The following TEX15 variants were observed in gnomAD, a reference collection of about 807,000 sequenced individuals.
TEX15 encodes testis expressed 15, meiosis and synapsis associated.
In TEX15, 171 loss-of-function variants were observed where a neutral mutation model predicts 237.3. The ratio of observed to expected loss-of-function variants is 0.72; its 90% CI spans 0.64 to 0.82. The LOEUF (loss-of-function observed/expected upper bound fraction) is 0.82. Ranked by LOEUF, TEX15 falls within the 40% of genes least tolerant of loss-of-function variation. TEX15 has a pLI of 0.00. For synonymous variants in TEX15, 1,338 were observed against 1,269.8 expected (o/e 1.05, Z -1.14); for missense variants, 3,750 against 3,646.5 (o/e 1.03, Z -0.73).
Position 30,846,156 on chromosome 8 carries a change from C to G in TEX15, c.4011G>C (p.Glu1337Asp), listed in dbSNP as rs772186690. The G allele has an allele frequency of 2.5e-6, 4 of 1,613,436 alleles. No homozygotes were observed. In the South Asian group the frequency reaches 3.3e-5, roughly 13 times the overall value. Residue 1337 changes from glutamate to aspartate, a missense_variant, in exon 8 of 11, where the codon GAG becomes GAC. By Grantham distance (45) the Glu-to-Asp change is conservative (BLOSUM62 2). Transcript: ENST00000643185. ...GTCCTTGGGATAATGAAGAGAAACA[C>G]TCAGATGAGTCTTGACTGGTTAGCC... is the stretch of plus-strand genomic sequence containing the variant. ...KRRLTSQDSS[E>D]CFSSLSQGRI...
At chr8:30,898,580 A>G (rs1052083612) in intron 2 of TEX15, among the ~76,000 whole-genome samples, 162 bp downstream of exon 2, 1 of 152,250 alleles carries the variant, frequency 6.6e-6, no homozygotes, top group Non-Finnish European at 1.5e-5. Flanking sequence ...ATCATCAAGA[A>G]TAAATATTTA....
chr8:30,838,773 CATATATATATATATATATATATATATAT>C (rs34610592), intron 9 of TEX15, among the ~76,000 whole-genome samples: 1,899 of 65,498 alleles, frequency 0.029, 89 homozygotes, highest in African/African-American at 0.08. Flanking sequence ...TATATAAAAA[CATATATATATATATATATATATATATAT>C]ATATATATAT....
At position 30,843,246 on chromosome 8, in the gene TEX15, G is replaced by A; in HGVS notation, c.6921C>T (p.Ala2307=). 6.2e-7 allele frequency: 1 copy of A among 1,613,108 alleles called. No homozygotes were observed. The highest frequency in any genetic ancestry group is 8.5e-7 in the Non-Finnish European group (1 of 1,179,622). The change falls in exon 8 of 11, where the codon GCC becomes GCT. Residue 2307 remains alanine, a synonymous_variant. Transcript: ENST00000643185. The part of the protein sequence containing the change: ...EERLLRVNKC[A]FSKLQKIYDT... ...CATATATCTTCTGCAACTTAGAAAA[G>A]GCACATTTATTCACTCTGAGTAGCC...
chr8:30,849,236 A>C lies in TEX15; in HGVS notation c.931T>G (p.Phe311Val). 1 of 1,536,238 alleles carries C rather than the reference A, an allele frequency of 6.5e-7. No individual in the cohort carries two copies. Among genetic ancestry groups the C allele is most frequent in the Non-Finnish European group, 8.7e-7 (1 of 1,146,908 alleles). ...GKDATVTFVH[F>V]KKPVDPFVQE... The stretch of plus-strand genomic sequence containing the variant: ...ACAAATGGATCTACAGGTTTCTTGA[A>C]ATGCACAAAGGTGACAGTAGCATCT... The change falls in exon 8 of 11, where the codon TTC becomes GTC. Residue 311 changes from phenylalanine to valine, a missense_variant. Coordinates refer to ENST00000643185, the MANE Select transcript of TEX15 (RefSeq NM_001350162.2).
intron 4 of TEX15, among the ~76,000 whole-genome samples, chr8:30,869,418 T>C (rs1238418422): frequency 1.3e-5 from 2 of 152,034 alleles, no homozygotes; most frequent in Non-Finnish European, 2.9e-5. Context: ...CTCCCTCCGC[T>C]TGTAACAAGA....
rs1474616732 is a variant in TEX15, at chr8:30,837,865, G to C, written c.8419C>G (p.His2807Asp). The change falls in exon 10 of 11, where the codon CAC (histidine) becomes GAC (aspartate). Residue 2807 changes from histidine to aspartate, a missense_variant. Transcript: ENST00000643185. ...SKIDLTVSSD[H>D]FSGQQENLNS... is the part of the protein sequence containing the mutation. The stretch of plus-strand genomic sequence containing the variant: ...AAATTTTCCTGTTGTCCACTGAAGT[G>C]ATCAGATGAAACAGTTAAGTCTATT... 6.2e-7 allele frequency: 1 copy of C among 1,614,114 alleles called. No homozygotes were observed. Among genetic ancestry groups the C allele is most frequent in the African/African-American group, 1.3e-5 (1 of 75,048 alleles).
Position 30,847,006 on chromosome 8 carries a change from C to T in TEX15, c.3161G>A (p.Ser1054Asn). 5 of 1,613,320 alleles carry T rather than the reference C, an allele frequency of 3.1e-6. No homozygotes were observed. The highest frequency in any genetic ancestry group is 4.2e-6 in the Non-Finnish European group (5 of 1,179,460). ...QSINENLVLQ[S>N]IELESEIEIE... Reference sequence around the variant, plus strand: ...TTCAATTTCACTTTCCAATTCAATGCTCTGAAGAACTAAGTTCTCATTTAT... The same window carrying T: ...TTCAATTTCACTTTCCAATTCAATGTTCTGAAGAACTAAGTTCTCATTTAT... The change falls in exon 8 of 11, where the codon AGC (serine) becomes AAC (asparagine). Residue 1054 changes from serine (S) to asparagine (N), a missense_variant. By Grantham distance (46) the Ser-to-Asn change is conservative (BLOSUM62 1). Transcript: ENST00000643185.
At position 30,847,926 on chromosome 8, in the gene TEX15, T is replaced by A; in HGVS notation, c.2241A>T (p.Glu747Asp). 6.2e-7 allele frequency: 1 copy of A among 1,613,990 alleles called. No individual in the cohort carries two copies. The highest frequency in any genetic ancestry group is 8.5e-7 in the Non-Finnish European group (1 of 1,179,938). The change falls in exon 8 of 11, where the codon GAA becomes GAT. Residue 747 changes from glutamate (E) to aspartate (D), a missense_variant. Coordinates refer to ENST00000643185, the MANE Select transcript of TEX15 (RefSeq NM_001350162.2). ...TTTGATTTATTTTCCCCAATTTCAG[T>A]TCCATTAGCTTTTGAGCAATGGCTA... Reference protein sequence around the residue: ...TSLAIAQKLMELKLGKINQNY... With the variant: ...TSLAIAQKLMDLKLGKINQNY...
chr8:30,885,165 T>A (rs573250989), intron 3 of TEX15, among the ~76,000 whole-genome samples: 72 of 152,220 alleles, frequency 4.7e-4, no homozygotes, highest in African/African-American at 1.7e-3. Context: ...GTGGGCCCCC[T>A]ACTTGATCAT....
chr8:30,846,180 C>A lies in TEX15; in HGVS notation c.3987G>T (p.Arg1329Ser), dbSNP rs1743693289. 6.2e-7 allele frequency: 1 copy of A among 1,613,050 alleles called. No individual in the cohort carries two copies. The highest frequency in any genetic ancestry group is 1.3e-5 in the African/African-American group (1 of 74,834). Residue 1329 changes from arginine to serine, a missense_variant, in exon 8 of 11, where the codon AGG becomes AGT. By Grantham distance (110) the Arg-to-Ser change is moderately radical (BLOSUM62 -1). Transcript: ENST00000643185. The part of the protein sequence containing the change: ...RRHKIYGRKR[R>S]LTSQDSSECF... ...ACTCAGATGAGTCTTGACTGGTTAG[C>A]CTCCTCTTTCTCCCATAAATTTTAT...
At chr8:30,894,193 C>T (rs1585313273) in intron 2 of TEX15, among the ~76,000 whole-genome samples, 2 of 152,114 alleles carry the variant, frequency 1.3e-5, no homozygotes, top group South Asian at 2.1e-4. Flanking sequence ...TGATGGTTTA[C>T]ACCTGTACTT....
In TEX15 at chr8:30,848,856, C is replaced by T. The variant is rs1563245052; in HGVS notation, c.1311G>A (p.Met437Ile). Residue 437 changes from methionine (M) to isoleucine (I), a missense_variant, in exon 8 of 11, where the codon ATG becomes ATA. Physicochemically the swap from Met to Ile is conservative, Grantham distance 10 (BLOSUM62 1). Transcript: ENST00000643185. ...GTTCTCCCATACTTTCTTCTCTCCT[C>T]ATCAGTCTTGGGTCTTTGATGGATT... is the stretch of plus-strand genomic sequence containing the variant. ...TSKSIKDPRL[M>I]RREESMGEQS... 6.2e-7 allele frequency: 1 copy of T among 1,614,168 alleles called. No individual in the cohort carries two copies. Among genetic ancestry groups the T allele is most frequent in the Non-Finnish European group, 8.5e-7 (1 of 1,180,028 alleles).
At chr8:30,865,918 T>C (rs1271679863) in intron 5 of TEX15, among the ~76,000 whole-genome samples, 2 of 152,126 alleles carry the variant, frequency 1.3e-5, no homozygotes, top group Non-Finnish European at 2.9e-5. Flanking sequence ...TTCTATTCAA[T>C]GTAGTTCTAG....
intron 2 of TEX15, among the ~76,000 whole-genome samples, chr8:30,896,361 G>A (rs941858327): frequency 6.6e-6 from 1 of 151,992 alleles, no homozygotes; most frequent in African/African-American, 2.4e-5. Flanking sequence ...CACTCATCTT[G>A]TTTACTTTGC....
chr8:30,892,499 T>A (rs1808814809), intron 2 of TEX15, among the ~76,000 whole-genome samples: 1 of 152,224 alleles, frequency 6.6e-6, no homozygotes, highest in Non-Finnish European at 1.5e-5. Flanking sequence ...AAATCTTGTT[T>A]AGGTTTTAAC....
intron 2 of TEX15, among the ~76,000 whole-genome samples, chr8:30,896,918 C>T (rs1808917059): frequency 6.6e-6 from 1 of 152,128 alleles, no homozygotes; most frequent in African/African-American, 2.4e-5. Context: ...AAGTCTAGAA[C>T]TGATCAGAGT....
intron 4 of TEX15, among the ~76,000 whole-genome samples, chr8:30,869,946 C>T (rs907780775): frequency 1.3e-5 from 2 of 151,720 alleles, no homozygotes; most frequent in Non-Finnish European, 2.9e-5. Flanking sequence ...TTTAAAAATA[C>T]ATAAAAGAAT....
intron 3 of TEX15, among the ~76,000 whole-genome samples, chr8:30,884,565 G>A (rs963461648): frequency 1.3e-5 from 2 of 152,160 alleles, no homozygotes; most frequent in African/African-American, 4.8e-5. Context: ...ACTTTTTGCA[G>A]ATAGTGTCTT....
intron 1 of TEX15, among the ~76,000 whole-genome samples, chr8:30,903,488 A>G (rs1809043197): frequency 6.6e-6 from 1 of 152,228 alleles, no homozygotes; most frequent in African/African-American, 2.4e-5. Flanking sequence ...GAAAGGTGAG[A>G]AACAGCTCAA....
Sources: gnomAD v4.1 joint callset for allele counts (sites outside exome capture counted in the v4.1 genomes callset) on GRCh38, gnomAD v4.1.1 for gene constraint, MANE v1.5 for transcripts, NCBI Gene and HGNC (gene_info 2026-07-23, HGNC 2026-07-21) for gene names.